PAQR7: variants seen among roughly 807,000 people sequenced by gnomAD.
The protein encoded by PAQR7 is membrane progestin receptor alpha.
Under a neutral mutation model 24.6 loss-of-function variants are expected in PAQR7, and 14 were observed. That is an observed-to-expected ratio of 0.57 (90% CI 0.38 to 0.89). PAQR7 has a LOEUF of 0.89. Ranked by LOEUF, PAQR7 falls within the 40% of genes least tolerant of loss-of-function variation. The pLI is 0.00. For missense variants in PAQR7, 351 were observed against 444.0 expected, an observed-to-expected ratio of 0.79 and a Z score of 1.88; for synonymous variants, 189 against 198.8, an observed-to-expected ratio of 0.95 and a Z score of 0.42.
At chr1:25,872,327 A>G (rs1050053453) in intron 1 of PAQR7, among the ~76,000 whole-genome samples, 1 of 152,106 alleles carries the variant, frequency 6.6e-6, no homozygotes, top group Admixed American at 6.5e-5. Flanking sequence ...CAAATGTCAA[A>G]GGAGAGAGTA....
In PAQR7 at chr1:25,863,762, C is replaced by T; in HGVS notation, c.78G>A (p.Gln26=). ...QVIQEPQLSL[Q]PEPVFTVDRA... ...GATCCACCGTGAAGACAGGCTCTGG[C>T]TGCAGAGATAGCTGAGGCTCCTGGA... The change falls in exon 3 of 3, where the codon CAG becomes CAA. Residue 26 remains glutamine (Q), a synonymous_variant. Coordinates refer to ENST00000675840, the MANE Select transcript of PAQR7 (RefSeq NM_178422.6). This position sits in a 1 kb window ranked among gnomAD's most constrained non-coding sequence, Gnocchi z 6.1. The T allele has an allele frequency of 6.2e-7, 1 of 1,613,776 alleles. No individual in the cohort carries two copies. Among genetic ancestry groups the T allele is most frequent in the South Asian group, 1.1e-5 (1 of 91,072 alleles).
intron 2 of PAQR7, among the ~76,000 whole-genome samples, chr1:25,868,169 G>A (rs947484354): frequency 1.4e-4 from 21 of 152,198 alleles, no homozygotes; most frequent in African/African-American, 4.8e-4. Context: ...AAAGACCTCT[G>A]AAAGCATCTT....
rs895711078 is a variant in PAQR7, at chr1:25,875,293, G to C, written c.-109+195C>G. On this transcript the variant is annotated intron_variant, in intron 1 of 2. Coordinates refer to ENST00000675840, the MANE Select transcript of PAQR7 (RefSeq NM_178422.6). The surrounding 1 kb of genome is among the most constrained non-coding windows in gnomAD (Gnocchi z 5.4). ...CCGCTGGCTGCTTCCCCGGGCGGGC[G>C]TCCTCTCACTTAGCCCAGGTGCTCC... 6.6e-6 allele frequency among the ~76,000 whole-genome samples: 1 copy of C among 152,116 alleles called. No homozygotes were observed. Among genetic ancestry groups the C allele is most frequent in the African/African-American group, 2.4e-5 (1 of 41,422 alleles).
intron 2 of PAQR7, among the ~76,000 whole-genome samples, chr1:25,868,750 C>G (rs2048579126): frequency 6.8e-6 from 1 of 146,354 alleles, no homozygotes; most frequent in Non-Finnish European, 1.5e-5. Flanking sequence ...AGTCCTGCAG[C>G]AAAGAAGTTG....
At chr1:25,870,998 A>C (rs2048598840) in intron 1 of PAQR7, 1 of 152,192 alleles carries the variant, frequency 6.6e-6, no homozygotes, top group South Asian at 2.1e-4. Context: ...TAATAGTAGT[A>C]GTCTTTGAAA....
Position 25,863,857 on chromosome 1 carries a change from G to A in PAQR7, c.-18C>T, listed in dbSNP as rs1287564968. The A allele has an allele frequency of 6.3e-7, 1 of 1,594,270 alleles. No individual in the cohort carries two copies. Among genetic ancestry groups the A allele is most frequent in the East Asian group, 2.2e-5 (1 of 44,642 alleles). ...ATGGCCATGGCTGTGGGCCTGGGCA[G>A]GGAGCTGGGAGAGAGACCAGAGCAA... On this transcript the variant is annotated 5_prime_UTR_variant, in exon 3 of 3. Transcript: ENST00000675840. The surrounding 1 kb of genome is among the most constrained non-coding windows in gnomAD (Gnocchi z 6.1).
intron 1 of PAQR7, among the ~76,000 whole-genome samples, chr1:25,871,816 A>G (rs1157375465): frequency 6.6e-6 from 1 of 152,242 alleles, no homozygotes; most frequent in Non-Finnish European, 1.5e-5. Flanking sequence ...CTACCCAGGC[A>G]TTCTGTGTGC....
At chr1:25,869,775 T>G (rs894628126) in intron 2 of PAQR7, among the ~76,000 whole-genome samples, 1 of 152,120 alleles carries the variant, frequency 6.6e-6, no homozygotes, top group East Asian at 1.9e-4. Context: ...TTCTTATAAA[T>G]TACTTTCTTA....
intron 2 of PAQR7, among the ~76,000 whole-genome samples, chr1:25,866,951 G>A (rs765650523): frequency 2.0e-5 from 3 of 152,146 alleles, no homozygotes; most frequent in African/African-American, 7.2e-5. Flanking sequence ...GGCTGGTCTC[G>A]AACTCCTGAC....
Position 25,863,564 on chromosome 1 carries a change from A to G in PAQR7, c.276T>C (p.Phe92=). The change falls in exon 3 of 3, where the codon TTT becomes TTC. Residue 92 remains phenylalanine (F), a synonymous_variant. Coordinates refer to ENST00000675840, the MANE Select transcript of PAQR7 (RefSeq NM_178422.6). This position sits in a 1 kb window ranked among gnomAD's most constrained non-coding sequence, Gnocchi z 6.1. Reference sequence around the variant, plus strand: ...CTCCCCAGAAGTCCACGGTCTCCACAAAGAGGGCCAGCCGCAGCAGCAGTA... The same window carrying G: ...CTCCCCAGAAGTCCACGGTCTCCACGAAGAGGGCCAGCCGCAGCAGCAGTA... The part of the protein sequence containing the change: ...ALVLLLRLAL[F]VETVDFWGDP... 6.2e-7 allele frequency: 1 copy of G among 1,614,182 alleles called. No homozygotes were observed. Among genetic ancestry groups the G allele is most frequent in the South Asian group, 1.1e-5 (1 of 91,082 alleles).
intron 2 of PAQR7, among the ~76,000 whole-genome samples, chr1:25,867,906 G>A (rs1031149519): frequency 6.6e-6 from 1 of 152,244 alleles, no homozygotes; most frequent in African/African-American, 2.4e-5. Context: ...TAGGACAACA[G>A]GCATGTGCAG....
chr1:25,862,782 C>A lies in PAQR7; in HGVS notation c.*17G>T. On this transcript the variant is annotated 3_prime_UTR_variant, in exon 3 of 3. Coordinates refer to ENST00000675840, the MANE Select transcript of PAQR7 (RefSeq NM_178422.6). Reference sequence around the variant, plus strand: ...TCCCCCAACTATACCTCCCTCCCTACCAGATGCCATCCCCCTTCACTTGGT... The same window carrying A: ...TCCCCCAACTATACCTCCCTCCCTAACAGATGCCATCCCCCTTCACTTGGT... The A allele has an allele frequency of 5.0e-6, 8 of 1,605,598 alleles. No homozygotes were observed. The highest frequency in any genetic ancestry group is 6.8e-6 in the Non-Finnish European group (8 of 1,174,664).
In PAQR7 at chr1:25,872,384, A is replaced by G. The variant is rs2048613011; in HGVS notation, c.-108-1690T>C. ...GGCCCTTAGGCCCTGGGACAGTCCAAGAATATTTACTTTAGGCCTCCTATG... is the reference window on the plus strand; with the variant it reads ...GGCCCTTAGGCCCTGGGACAGTCCAGGAATATTTACTTTAGGCCTCCTATG... On this transcript the variant is annotated intron_variant, in intron 1 of 2. Transcript: ENST00000675840. Among the ~76,000 whole-genome samples, 3 of 152,200 alleles carry G rather than the reference A, an allele frequency of 2.0e-5. No homozygotes were observed. The South Asian group carries it at 6.2e-4, about 32-fold the overall frequency.
At position 25,863,142 on chromosome 1, in the gene PAQR7, G is replaced by T. The variant is rs577477067; in HGVS notation, c.698C>A (p.Thr233Lys). 1 of 1,614,080 alleles carries T rather than the reference G, an allele frequency of 6.2e-7. No homozygotes were observed. The highest frequency in any genetic ancestry group is 1.7e-5 in the Admixed American group (1 of 60,016). ...HRIFVSSDPTTDDPALLYHKC... is the reference protein window; with the variant it reads ...HRIFVSSDPTKDDPALLYHKC... ...GTGGTAGAGAAGAGCTGGATCATCC[G>T]TGGTGGGGTCGGAGGACACGAAGAT... Residue 233 changes from threonine (T) to lysine (K), a missense_variant, in exon 3 of 3, where the codon ACG becomes AAG. Physicochemically the swap from Thr to Lys is moderately conservative, Grantham distance 78. Transcript: ENST00000675840. This position sits in a 1 kb window ranked among gnomAD's most constrained non-coding sequence, Gnocchi z 6.1.
At chr1:25,867,969 A>G (rs1395027518) in intron 2 of PAQR7, among the ~76,000 whole-genome samples, 10 of 152,230 alleles carry the variant, frequency 6.6e-5, no homozygotes, top group African/African-American at 2.4e-4. Context: ...GGAAGCAGAC[A>G]TTGCTGCTGC....
intron 2 of PAQR7, among the ~76,000 whole-genome samples, chr1:25,868,219 A>G (rs2048573505): frequency 6.6e-6 from 1 of 152,216 alleles, no homozygotes; most frequent in Admixed American, 6.5e-5. Flanking sequence ...AGCAGAGCCC[A>G]GAAACTGGAA....
At chr1:25,865,943 A>G (rs1227337693) in intron 2 of PAQR7, among the ~76,000 whole-genome samples, 1 of 150,772 alleles carries the variant, frequency 6.6e-6, no homozygotes, top group Admixed American at 6.6e-5. Flanking sequence ...CCGAGATCGC[A>G]CCATTGCACT....
At chr1:25,868,730 A>T (rs899481146) in intron 2 of PAQR7, among the ~76,000 whole-genome samples, 6 of 145,812 alleles carry the variant, frequency 4.1e-5, no homozygotes, top group African/African-American at 1.6e-4. Flanking sequence ...AAAAAAAAAA[A>T]GCTCTAAGAA....
Position 25,875,685 on chromosome 1 carries a change from C to T in PAQR7, c.-306G>A, listed in dbSNP as rs1283832270. ...CCCGCCGCGCACAAGCAGCTCTGCC[C>T]CGCCAGGCCCACGTGTTGCACGCGC... is the stretch of plus-strand genomic sequence containing the variant. On this transcript the variant is annotated 5_prime_UTR_variant, in exon 1 of 3. Transcript: ENST00000675840. The surrounding 1 kb of genome is among the most constrained non-coding windows in gnomAD (Gnocchi z 5.4). 6.6e-6 allele frequency among the ~76,000 whole-genome samples: 1 copy of T among 151,998 alleles called. No homozygotes were observed. The highest frequency in any genetic ancestry group is 1.5e-5 in the Non-Finnish European group (1 of 67,976).
Sources: allele counts gnomAD v4.1 joint callset (sites outside exome capture counted in the v4.1 genomes callset), GRCh38; gene constraint gnomAD v4.1.1; non-coding constraint Gnocchi (gnomAD v3.1); transcripts MANE v1.5; gene names NCBI Gene and HGNC (gene_info 2026-07-23, HGNC 2026-07-21).